The following EML6 variants were observed in gnomAD, a reference collection of about 807,000 sequenced individuals.
EML6 encodes EMAP like 6, also known as echinoderm microtubule-associated protein-like 6.
In EML6, 154 loss-of-function variants were observed where a neutral mutation model predicts 240.1. The ratio of observed to expected loss-of-function variants is 0.64; its 90% CI spans 0.56 to 0.73. The LOEUF is 0.73. Among genes scored for constraint, EML6 ranks in the 30% least tolerant of loss-of-function variants. EML6 has a pLI of 0.00. For synonymous variants in EML6, 1,148 were observed against 899.0 expected, an observed-to-expected ratio of 1.28 and a Z score of -4.95; for missense variants, 2,964 against 2,474.6, an observed-to-expected ratio of 1.20 and a Z score of -4.20.
At chr2:54,754,045 G>C (rs900357029) in intron 2 of EML6, among the ~76,000 whole-genome samples, 29 of 151,798 alleles carry the variant, frequency 1.9e-4, no homozygotes, top group African/African-American at 6.3e-4. Context: ...TGAGGCAGGA[G>C]AATTGCTTGA....
intron 17 of EML6, among the ~76,000 whole-genome samples, chr2:54,889,056 C>T (rs1672313428): frequency 6.6e-6 from 1 of 152,188 alleles, no homozygotes; most frequent in South Asian, 2.1e-4. Flanking sequence ...AAAAGTTCAT[C>T]TTTCTCTTGC....
At chr2:54,847,769 G>A (rs1669849804) in intron 9 of EML6, 146 bp downstream of exon 9, 1 of 920,566 alleles carries the variant, frequency 1.1e-6, no homozygotes, top group Non-Finnish European at 1.6e-6. Context: ...TCCCCTATCT[G>A]TAATTCTGAA....
intron 21 of EML6, among the ~76,000 whole-genome samples, chr2:54,899,294 ATGTT>A (rs1404709287): frequency 1.3e-5 from 2 of 152,354 alleles, no homozygotes; most frequent in East Asian, 3.9e-4. Context: ...CATATATACT[ATGTT>A]TATTTAGTAT....
chr2:54,759,934 G>A (rs1013274612), intron 2 of EML6, among the ~76,000 whole-genome samples: 10 of 150,736 alleles, frequency 6.6e-5, no homozygotes, highest in South Asian at 4.2e-4. Flanking sequence ...TAATGATTAA[G>A]TGTAGGTGAG....
intron 28 of EML6, among the ~76,000 whole-genome samples, chr2:54,936,504 T>C (rs1341140046): frequency 6.6e-6 from 1 of 152,252 alleles, no homozygotes; most frequent in Non-Finnish European, 1.5e-5. Context: ...AACCCAACTT[T>C]ATAATAAGAT....
chr2:54,851,085 C>T lies in EML6; in HGVS notation c.1444+867C>T, dbSNP rs143839906. ...ATACCTCATTCAGGATGTTGGTTACCGCTGAGAAGCAGAGATGATCTTGGA... is the reference window on the plus strand; with the variant it reads ...ATACCTCATTCAGGATGTTGGTTACTGCTGAGAAGCAGAGATGATCTTGGA... On this transcript the variant is annotated intron_variant, in intron 10 of 41. Coordinates refer to ENST00000356458, the MANE Select transcript of EML6 (RefSeq NM_001039753.4). Among the ~76,000 whole-genome samples, 182 of 152,146 alleles carry T rather than the reference C, an allele frequency of 1.2e-3. 1 individual carries two copies. Among genetic ancestry groups the T allele is most frequent in the Admixed American group, 1.8e-3 (28 of 15,292 alleles).
At chr2:54,942,359 G>A (rs931623798) in intron 28 of EML6, among the ~76,000 whole-genome samples, 1 of 152,192 alleles carries the variant, frequency 6.6e-6, no homozygotes, top group Non-Finnish European at 1.5e-5. Flanking sequence ...TCTGTCAAAA[G>A]GGAGTGACTC....
rs185210380 is a variant in EML6 at position 54,918,647 on chromosome 2, G to C, written c.3675+1712G>C. Among the ~76,000 whole-genome samples the C allele has an allele frequency of 9.3e-4, 141 of 152,088 alleles. 1 individual carries two copies. Among genetic ancestry groups the C allele is most frequent in the African/African-American group, 3.4e-3 (140 of 41,464 alleles). On this transcript the variant is annotated intron_variant, in intron 26 of 41. Coordinates refer to ENST00000356458, the MANE Select transcript of EML6 (RefSeq NM_001039753.4). ...TAATCATGAGCCACCATACCCAGCTGTCATTCTGTTTATTAATCTACACGT... is the reference window on the plus strand; with the variant it reads ...TAATCATGAGCCACCATACCCAGCTCTCATTCTGTTTATTAATCTACACGT...
chr2:54,937,664 C>G (rs1332439128), intron 28 of EML6, among the ~76,000 whole-genome samples: 4 of 146,960 alleles, frequency 2.7e-5, no homozygotes, highest in Non-Finnish European at 5.9e-5. Context: ...TTATGGATAA[C>G]TGTAGATACT....
intron 24 of EML6, among the ~76,000 whole-genome samples, chr2:54,907,954 TAGA>T (rs752538974): frequency 2.9e-5 from 1 of 35,076 alleles, no homozygotes; most frequent in African/African-American, 1.1e-4. Flanking sequence ...ATAAGATAGA[TAGA>T]TAGATAGATA....
Position 54,827,763 on chromosome 2 carries a change from C to T in EML6, c.711+12C>T, listed in dbSNP as rs1388190592. 6.5e-7 allele frequency: 1 copy of T among 1,541,716 alleles called. No homozygotes were observed. The highest frequency in any genetic ancestry group is 8.8e-7 in the Non-Finnish European group (1 of 1,138,518). On this transcript the variant is annotated intron_variant, in intron 6 of 41. Coordinates refer to ENST00000356458, the MANE Select transcript of EML6 (RefSeq NM_001039753.4). Reference sequence around the variant, plus strand: ...AAGGAGCACATAGTGTAAGTATTACCTTGTGGAAATCTGTGGGTGACCTAC... The same window carrying T: ...AAGGAGCACATAGTGTAAGTATTACTTTGTGGAAATCTGTGGGTGACCTAC...
At chr2:54,736,304 T>C (rs1472408804) in intron 2 of EML6, among the ~76,000 whole-genome samples, 2 of 152,220 alleles carry the variant, frequency 1.3e-5, no homozygotes, top group African/African-American at 2.4e-5. Flanking sequence ...CTGATTCCTT[T>C]CTCCTCTTTT....
chr2:54,845,175 C>T (rs1286454490), intron 8 of EML6, among the ~76,000 whole-genome samples: 1 of 152,198 alleles, frequency 6.6e-6, no homozygotes, highest in Non-Finnish European at 1.5e-5. Context: ...TTTTTTCCAT[C>T]TCTACCAAGC....
At chr2:54,887,887 G>T (rs1004341255) in intron 17 of EML6, among the ~76,000 whole-genome samples, 1 of 152,160 alleles carries the variant, frequency 6.6e-6, no homozygotes, top group South Asian at 2.1e-4. Flanking sequence ...CGGTACATTT[G>T]TTACAATTCA....
intron 2 of EML6, among the ~76,000 whole-genome samples, chr2:54,758,771 G>A (rs182643601): frequency 1.3e-5 from 2 of 152,050 alleles, no homozygotes; most frequent in African/African-American, 4.8e-5. Context: ...GCTATATCTT[G>A]TTTTAAGAGG....
At chr2:54,931,841 C>T (rs1674880867) in intron 28 of EML6, among the ~76,000 whole-genome samples, 1 of 152,186 alleles carries the variant, frequency 6.6e-6, no homozygotes, top group African/African-American at 2.4e-5. Context: ...CCCCTGTCAC[C>T]TAAAAGCAAT....
At chr2:54,935,632 A>T (rs945418769) in intron 28 of EML6, among the ~76,000 whole-genome samples, 1 of 152,204 alleles carries the variant, frequency 6.6e-6, no homozygotes, top group African/African-American at 2.4e-5. Flanking sequence ...CAACTTTTAA[A>T]ATACATTCAT....
At chr2:54,947,035 A>C (rs979282713) in intron 28 of EML6, among the ~76,000 whole-genome samples, 1 of 152,022 alleles carries the variant, frequency 6.6e-6, no homozygotes, top group Non-Finnish European at 1.5e-5. Context: ...TGTATAATAT[A>C]TTACATATTA....
At position 54,960,216 on chromosome 2, in the gene EML6, T is replaced by G; in HGVS notation, c.4854-4T>G. On this transcript the variant is annotated splice_region_variant and splice_polypyrimidine_tract_variant and intron_variant, in intron 34 of 41. Transcript: ENST00000356458. ...CAGCCTGAGTCCCTTTCAATCTTTT[T>G]TAGGACCAAAGAAGGAGGTGCTGTA... The G allele has an allele frequency of 6.5e-7, 1 of 1,548,854 alleles. No individual in the cohort carries two copies. The highest frequency in any genetic ancestry group is 8.7e-7 in the Non-Finnish European group (1 of 1,144,606).
Sources: gnomAD v4.1 joint callset for allele counts (sites outside exome capture counted in the v4.1 genomes callset) on GRCh38, gnomAD v4.1.1 for gene constraint, MANE v1.5 for transcripts, NCBI Gene and HGNC (gene_info 2026-07-23, HGNC 2026-07-21) for gene names.